TMEM33: variants seen among roughly 807,000 people sequenced by gnomAD.
TMEM33 encodes the protein transmembrane protein 33.
A neutral mutation model predicts 29.7 loss-of-function variants in TMEM33; 16 were observed. The observed-to-expected ratio is 0.54, with a 90% confidence interval of 0.36 to 0.82. The LOEUF (loss-of-function observed/expected upper bound fraction) is 0.82, where lower values mean the gene tolerates loss of function less well. Ranked by LOEUF, TMEM33 falls within the 40% of genes least tolerant of loss-of-function variation. TMEM33 has a pLI of 0.00. For missense variants in TMEM33, 252 were observed against 295.3 expected (o/e 0.85, Z 1.08); for synonymous variants, 112 against 109.4 (o/e 1.02, Z -0.15).
intron 1 of TMEM33, among the ~76,000 whole-genome samples, chr4:41,936,337 T>TA (rs1167608709): frequency 1.3e-5 from 2 of 152,154 alleles, no homozygotes; most frequent in Non-Finnish European, 2.9e-5. Flanking sequence ...GTTCAGGAGT[T>TA]AGAGACCAGC....
Position 41,956,916 on chromosome 4 carries a change from T to C in TMEM33, c.*2717T>C, listed in dbSNP as rs763575934. 1 of 152,180 alleles carries C rather than the reference T, an allele frequency of 6.6e-6. No individual in the cohort carries two copies. Among genetic ancestry groups the C allele is most frequent in the South Asian group, 2.1e-4 (1 of 4,834 alleles). The allele number at this position is 152,180 out of a possible 1,614,324, so 9.4% of individuals were successfully genotyped here. ...CCGGCTGATTTGGAATTTGAAATTA[T>C]AGTGTTACATGTATACCTATCAAAT... On this transcript the variant is annotated 3_prime_UTR_variant, in exon 7 of 7. Transcript: ENST00000504986.
rs373503895 is a variant in TMEM33, at chr4:41,954,114, T to C, written c.659T>C (p.Met220Thr). Reference sequence around the variant, plus strand: ...AGGATTGTTGTTGAACACATAATAATGAAACCTGCTTGCCCACTGTTTGTG... The same window carrying C: ...AGGATTGTTGTTGAACACATAATAACGAAACCTGCTTGCCCACTGTTTGTG... ...ELRIVVEHIIMKPACPLFVRR... is the reference protein window; with the variant it reads ...ELRIVVEHIITKPACPLFVRR... The change falls in exon 7 of 7, where the codon ATG (methionine) becomes ACG (threonine). Residue 220 changes from methionine to threonine, a missense_variant. Met to Thr is a moderately conservative substitution (Grantham distance 81, BLOSUM62 -1). Transcript: ENST00000504986. The C allele has an allele frequency of 8.7e-6, 14 of 1,613,924 alleles. No homozygotes were observed. Among genetic ancestry groups the C allele is most frequent in the African/African-American group, 1.3e-5 (1 of 74,940 alleles).
intron 3 of TMEM33, 83 bp downstream of exon 3, chr4:41,939,466 A>G: frequency 1.4e-6 from 2 of 1,438,542 alleles, no homozygotes; most frequent in Non-Finnish European, 1.9e-6. Flanking sequence ...CAATGAAGGC[A>G]TTCCATGAAG....
Position 41,944,945 on chromosome 4 carries a change from T to C in TMEM33, c.530+19T>C. 1 of 1,607,038 alleles carries C rather than the reference T, an allele frequency of 6.2e-7. No individual in the cohort carries two copies. The highest frequency in any genetic ancestry group is 1.7e-5 in the Admixed American group (1 of 58,140). ...TTTTTAGGTAAGGAAAAATTATATT[T>C]GTTTTGGGAGGCTGATGACTGAACG... On this transcript the variant is annotated intron_variant, in intron 5 of 6. Coordinates refer to ENST00000504986, the MANE Select transcript of TMEM33 (RefSeq NM_018126.3).
rs766285836 is a variant in TMEM33 at position 41,954,101 on chromosome 4, G to C, written c.646G>C (p.Glu216Gln). 1.2e-6 allele frequency: 2 copies of C among 1,613,854 alleles called. No homozygotes were observed. The highest frequency in any genetic ancestry group is 3.3e-5 in the Admixed American group (2 of 60,018). The change falls in exon 7 of 7, where the codon GAA (glutamate) becomes CAA (glutamine). Residue 216 changes from glutamate (E) to glutamine (Q), a missense_variant. Glu to Gln is a conservative substitution (Grantham distance 29). Transcript: ENST00000504986. Reference sequence around the variant, plus strand: ...ATTTAATGAACTGAGGATTGTTGTTGAACACATAATAATGAAACCTGCTTG... The same window carrying C: ...ATTTAATGAACTGAGGATTGTTGTTCAACACATAATAATGAAACCTGCTTG... ...TLFNELRIVV[E>Q]HIIMKPACPL...
rs1435494450 is a variant in TMEM33, at chr4:41,954,156, A to G, written c.701A>G (p.Gln234Arg). The G allele has an allele frequency of 6.2e-7, 1 of 1,613,866 alleles. No homozygotes were observed. Among genetic ancestry groups the G allele is most frequent in the Non-Finnish European group, 8.5e-7 (1 of 1,179,866 alleles). ...CTGTTTGTGAGAAGACTTTGTCTCCAGAGCATTGCCTTTATAAGCAGATTG... is the reference window on the plus strand; with the variant it reads ...CTGTTTGTGAGAAGACTTTGTCTCCGGAGCATTGCCTTTATAAGCAGATTG... ...CPLFVRRLCL[Q>R]SIAFISRLAP... is the part of the protein sequence containing the mutation. The change falls in exon 7 of 7, where the codon CAG becomes CGG. Residue 234 changes from glutamine (Q) to arginine (R), a missense_variant. Physicochemically the swap from Gln to Arg is conservative, Grantham distance 43. Coordinates refer to ENST00000504986, the MANE Select transcript of TMEM33 (RefSeq NM_018126.3).
At position 41,957,255 on chromosome 4, in the gene TMEM33, A is replaced by G. The variant is rs1211209375; in HGVS notation, c.*3056A>G. ...AATCTAAAGAGAAATTTATTATGCA[A>G]TTTGTATTTAGGTTTTTTTTTTTTT... On this transcript the variant is annotated 3_prime_UTR_variant, in exon 7 of 7. Transcript: ENST00000504986. 1 of 134,226 alleles carries G rather than the reference A, an allele frequency of 7.5e-6. No individual in the cohort carries two copies. 8.3% of individuals were successfully genotyped at this position (134,226 alleles called of 1,614,324 possible). A position where few individuals can be genotyped will look rare whatever the true frequency, so the allele number is the denominator to read the frequency against.
chr4:41,939,413 A>AT (rs779481114), intron 3 of TMEM33, 30 bp downstream of exon 3: 2 of 1,603,252 alleles, frequency 1.2e-6, no homozygotes, highest in Non-Finnish European at 1.7e-6. Flanking sequence ...TAACAATGAA[A>AT]TTGCCAACTA....
At chr4:41,951,661 A>G (rs558063821) in intron 6 of TMEM33, among the ~76,000 whole-genome samples, 7 of 152,352 alleles carry the variant, frequency 4.6e-5, no homozygotes, top group Non-Finnish European at 8.8e-5. Flanking sequence ...TGAATAAATT[A>G]GACAGCTATG....
chr4:41,938,812 C>A lies in TMEM33; in HGVS notation c.140+116C>A, dbSNP rs1476224552. The A allele has an allele frequency of 7.7e-6, 7 of 904,444 alleles. No individual in the cohort carries two copies. In the East Asian group the frequency reaches 1.7e-4, roughly 22 times the overall value. The allele number at this position is 904,444 out of a possible 1,614,324, so 56.0% of individuals were successfully genotyped here. On this transcript the variant is annotated intron_variant, in intron 2 of 6. Transcript: ENST00000504986. ...AAAGGGTTTAGGGACAAATAAAATA[C>A]AAGTTCCAGCCTTCAGGTACTAACA...
Position 41,954,229 on chromosome 4 carries a change from T to C in TMEM33, c.*30T>C. ...ACATCTAGTTAAGCTACAAATATAG[T>C]ATAAGCATTATTAGCAGCTGGTACT... On this transcript the variant is annotated 3_prime_UTR_variant, in exon 7 of 7. Transcript: ENST00000504986. 1.2e-6 allele frequency: 2 copies of C among 1,607,648 alleles called. No individual in the cohort carries two copies. The highest frequency in any genetic ancestry group is 1.7e-6 in the Non-Finnish European group (2 of 1,175,546).
chr4:41,952,276 T>C (rs1467830733), intron 6 of TMEM33, among the ~76,000 whole-genome samples: 1 of 152,218 alleles, frequency 6.6e-6, no homozygotes, highest in East Asian at 1.9e-4. Flanking sequence ...AATATTATTA[T>C]TCCTGTCTTT....
intron 4 of TMEM33, chr4:41,944,064 T>A (rs1404136031): frequency 1.1e-5 from 5 of 451,028 alleles, no homozygotes; most frequent in Non-Finnish European, 1.6e-5. Context: ...TTTTCAAGTT[T>A]GAAATAGATC....
intron 3 of TMEM33, chr4:41,939,942 A>G: frequency 8.0e-6 from 3 of 372,968 alleles, no homozygotes; most frequent in Non-Finnish European, 1.0e-5. Flanking sequence ...TGGAATTTGT[A>G]TGTTTTCACA....
chr4:41,939,344 T>C lies in TMEM33; in HGVS notation c.289T>C (p.Leu97=), dbSNP rs748293291. ...ALLEDSCHYL[L]YSLIFVNSYP... Reference sequence around the variant, plus strand: ...GTTAGAGGACAGCTGCCACTACCTGTTGTATTCACTCATCTTTGTAAATTC... The same window carrying C: ...GTTAGAGGACAGCTGCCACTACCTGCTGTATTCACTCATCTTTGTAAATTC... Residue 97 remains leucine (L), a synonymous_variant, in exon 3 of 7, where the codon TTG becomes CTG. Transcript: ENST00000504986. 6.2e-7 allele frequency: 1 copy of C among 1,613,464 alleles called. No homozygotes were observed. The highest frequency in any genetic ancestry group is 1.3e-5 in the African/African-American group (1 of 75,022).
intron 3 of TMEM33, chr4:41,939,956 C>T (rs558976356): frequency 2.4e-4 from 89 of 367,520 alleles, no homozygotes; most frequent in South Asian, 1.8e-3. Context: ...TTTCACATTT[C>T]AAAGGTGTGT....
intron 3 of TMEM33, among the ~76,000 whole-genome samples, chr4:41,940,504 T>C (rs1560516195): frequency 6.6e-6 from 1 of 152,128 alleles, no homozygotes; most frequent in Non-Finnish European, 1.5e-5. Context: ...CCTGAGCACC[T>C]ATTTTGCCAG....
intron 4 of TMEM33, 118 bp downstream of exon 4, chr4:41,943,932 T>C (rs1460613360): frequency 2.6e-5 from 22 of 846,900 alleles, no homozygotes; most frequent in Non-Finnish European, 1.1e-5. Context: ...AAACTTGTTA[T>C]GAATTATTTA....
In TMEM33 at chr4:41,956,200, A is replaced by G. The variant is rs1195987839; in HGVS notation, c.*2001A>G. On this transcript the variant is annotated 3_prime_UTR_variant, in exon 7 of 7. Coordinates refer to ENST00000504986, the MANE Select transcript of TMEM33 (RefSeq NM_018126.3). Reference sequence around the variant, plus strand: ...GTATTTTTAGTAGAGACAGGGTTTCACCATGTTGGCCAGGATGGTCTCGAT... The same window carrying G: ...GTATTTTTAGTAGAGACAGGGTTTCGCCATGTTGGCCAGGATGGTCTCGAT... 2 of 152,158 alleles carry G rather than the reference A, an allele frequency of 1.3e-5. No homozygotes were observed. The highest frequency in any genetic ancestry group is 6.5e-5 in the Admixed American group (1 of 15,278). The allele number at this position is 152,158 out of a possible 1,614,324, so 9.4% of individuals were successfully genotyped here.
Sources: allele counts gnomAD v4.1 joint callset (sites outside exome capture counted in the v4.1 genomes callset), GRCh38; gene constraint gnomAD v4.1.1; transcripts MANE v1.5; gene names NCBI Gene and HGNC (gene_info 2026-07-23, HGNC 2026-07-21).